RBM20: variants seen among roughly 807,000 people sequenced by gnomAD.
The protein encoded by RBM20 is RNA binding motif protein 20.
A neutral mutation model predicts 110.1 loss-of-function variants in RBM20; 51 were observed. That is an observed-to-expected ratio of 0.46 (90% confidence interval 0.37 to 0.59). The LOEUF is 0.59. RBM20 is among the 20% of genes least tolerant of loss of function. The pLI is 0.00. For missense variants in RBM20, 1,512 were observed against 1,574.9 expected (o/e 0.96, Z 0.68); for synonymous variants, 589 against 618.2 (o/e 0.95, Z 0.70).
chr10:110,760,382 A>G (rs1843980209), intron 1 of RBM20, among the ~76,000 whole-genome samples: 2 of 145,978 alleles, frequency 1.4e-5, no homozygotes, highest in South Asian at 2.2e-4. Context: ...GGAAGACACT[A>G]TAAGCTACAT....
chr10:110,706,605 G>A (rs189017152), intron 1 of RBM20, among the ~76,000 whole-genome samples: 1 of 152,336 alleles, frequency 6.6e-6, no homozygotes, highest in Non-Finnish European at 1.5e-5. Context: ...TTGGATGGGA[G>A]AGCTATTCTG....
At chr10:110,783,485 A>C in intron 3 of RBM20, 58 bp downstream of exon 3, 1 of 1,320,098 alleles carries the variant, frequency 7.6e-7, no homozygotes, top group East Asian at 2.5e-5. Context: ...TTCACTGAGC[A>C]TTTACTGTGT....
chr10:110,688,033 GTGTA>G (rs1301957678), intron 1 of RBM20, among the ~76,000 whole-genome samples: 3 of 134,146 alleles, frequency 2.2e-5, no homozygotes, highest in Non-Finnish European at 3.2e-5. Flanking sequence ...GTGTGTGTGT[GTGTA>G]TGTGTGTGTA....
At chr10:110,826,125 C>A (rs535359921) in intron 12 of RBM20, among the ~76,000 whole-genome samples, 1 of 152,292 alleles carries the variant, frequency 6.6e-6, no homozygotes, top group South Asian at 2.1e-4. Context: ...AAGATGGTAT[C>A]AGTTTTCCCT....
At chr10:110,697,156 A>T (rs1225158172) in intron 1 of RBM20, among the ~76,000 whole-genome samples, 1 of 152,070 alleles carries the variant, frequency 6.6e-6, no homozygotes, top group Non-Finnish European at 1.5e-5. Flanking sequence ...CATTGCTCAG[A>T]TTTAAAAGTT....
chr10:110,705,572 G>A (rs1402281384), intron 1 of RBM20, among the ~76,000 whole-genome samples: 2 of 152,222 alleles, frequency 1.3e-5, no homozygotes, highest in Non-Finnish European at 2.9e-5. Flanking sequence ...GTGTGTAGGT[G>A]AGTCTGGATT....
At chr10:110,700,478 G>A (rs1862741311) in intron 1 of RBM20, among the ~76,000 whole-genome samples, 1 of 152,190 alleles carries the variant, frequency 6.6e-6, no homozygotes, top group African/African-American at 2.4e-5. Context: ...CCCAACAGTG[G>A]CTTAAACCAG....
In RBM20 at chr10:110,711,357, AG is replaced by A. The variant is rs1590630674; in HGVS notation, c.191+66713del. ...AAAAAAAAAAAAAAAAAAAAAAAAA[AG>A]AGTCCAGGAGAGGGGAGGTGTGGGA... On this transcript the variant is annotated intron_variant, in intron 1 of 13. Coordinates refer to ENST00000369519, the MANE Select transcript of RBM20 (RefSeq NM_001134363.3). Among the ~76,000 whole-genome samples the A allele has an allele frequency of 2.0e-5, 3 of 148,664 alleles. No homozygotes were observed. The East Asian group carries it at 5.9e-4, about 29-fold the overall frequency.
intron 1 of RBM20, among the ~76,000 whole-genome samples, chr10:110,763,353 A>G (rs4244282): frequency 0.45 from 68,838 of 151,580 alleles, 15,788 homozygotes; most frequent in East Asian, 0.51. Context: ...AGTAAGCCTC[A>G]ATCACTAAGT....
rs1278949370 is a variant in RBM20 at position 110,739,166 on chromosome 10, C to T, written c.192-41635C>T. 6.6e-6 allele frequency among the ~76,000 whole-genome samples: 1 copy of T among 152,160 alleles called. No individual in the cohort carries two copies. The highest frequency in any genetic ancestry group is 1.5e-5 in the Non-Finnish European group (1 of 68,036). On this transcript the variant is annotated intron_variant, in intron 1 of 13. Coordinates refer to ENST00000369519, the MANE Select transcript of RBM20 (RefSeq NM_001134363.3). The surrounding 1 kb of genome is among the most constrained non-coding windows in gnomAD (Gnocchi z 4.1). ...GACAGGTCCTCCTGAGGACCAAGGC[C>T]TGCATAGTCTGATTTATGCTATATG...
Position 110,838,896 on chromosome 10 carries a change from G to A in RBM20, c.*2918G>A, listed in dbSNP as rs919695876. On this transcript the variant is annotated 3_prime_UTR_variant, in exon 14 of 14. Transcript: ENST00000369519. ...AATTCCATTGGCATGGTCCTTCACC[G>A]ACCCTATGATTTGCACTTTTTATTT... The A allele has an allele frequency of 2.6e-5, 4 of 152,014 alleles. No individual in the cohort carries two copies. The highest frequency in any genetic ancestry group is 9.7e-5 in the African/African-American group (4 of 41,386). The allele number at this position is 152,014 out of a possible 1,614,324, so 9.4% of individuals were successfully genotyped here. A position where few individuals can be genotyped will look rare whatever the true frequency, so the allele number is the denominator to read the frequency against.
At chr10:110,761,917 G>A (rs1844009834) in intron 1 of RBM20, among the ~76,000 whole-genome samples, 2 of 152,198 alleles carry the variant, frequency 1.3e-5, no homozygotes, top group African/African-American at 4.8e-5. Context: ...TAAAAGGAAG[G>A]ATTAACTGAC....
intron 1 of RBM20, among the ~76,000 whole-genome samples, chr10:110,726,009 A>G (rs534200684): frequency 6.7e-6 from 1 of 149,642 alleles, no homozygotes; most frequent in East Asian, 2.0e-4. Flanking sequence ...TTGGGGGCAG[A>G]TGTGCTGCTG....
chr10:110,701,436 G>A (rs1446945701), intron 1 of RBM20, among the ~76,000 whole-genome samples: 1 of 152,062 alleles, frequency 6.6e-6, no homozygotes, highest in Non-Finnish European at 1.5e-5. Context: ...CCTGGACCAC[G>A]GGGAACATGC....
intron 1 of RBM20, among the ~76,000 whole-genome samples, chr10:110,720,927 A>G (rs1843497664): frequency 6.6e-6 from 1 of 151,926 alleles, no homozygotes; most frequent in South Asian, 2.1e-4. Flanking sequence ...GTTTCCTCTC[A>G]CTTCATTTCC....
intron 1 of RBM20, among the ~76,000 whole-genome samples, chr10:110,741,079 G>A (rs911251330): frequency 3.3e-5 from 5 of 152,138 alleles, no homozygotes; most frequent in Non-Finnish European, 7.4e-5. Context: ...TGGTCAGGCT[G>A]AGCTTCTCTC....
At position 110,681,516 on chromosome 10, in the gene RBM20, A is replaced by G. The variant is rs371115442; in HGVS notation, c.191+36871A>G. Among the ~76,000 whole-genome samples the G allele has an allele frequency of 5.4e-4, 83 of 152,320 alleles. 3 individuals are homozygous for G. In the South Asian group the frequency reaches 0.016, roughly 29 times the overall value. ...GGCTTGAAGTGTCAGTGACCTTGGA[A>G]TTATTTTTGCAGTTGCTTTTAAGCC... On this transcript the variant is annotated intron_variant, in intron 1 of 13. Transcript: ENST00000369519.
rs951063699 is a variant in RBM20, at chr10:110,739,738, C to T, written c.192-41063C>T. Among the ~76,000 whole-genome samples the T allele has an allele frequency of 2.6e-5, 4 of 152,156 alleles. No homozygotes were observed. The highest frequency in any genetic ancestry group is 1.9e-4 in the East Asian group (1 of 5,200). On this transcript the variant is annotated intron_variant, in intron 1 of 13. Transcript: ENST00000369519. The surrounding 1 kb of genome is among the most constrained non-coding windows in gnomAD (Gnocchi z 4.1). Reference sequence around the variant, plus strand: ...ATCTTCTAAATGGGTATTAATAGTTCCCACCTGCAGGACTGAACTGTGGAA... The same window carrying T: ...ATCTTCTAAATGGGTATTAATAGTTTCCACCTGCAGGACTGAACTGTGGAA...
At chr10:110,762,062 A>C (rs1844012041) in intron 1 of RBM20, among the ~76,000 whole-genome samples, 1 of 152,238 alleles carries the variant, frequency 6.6e-6, no homozygotes, top group South Asian at 2.1e-4. Flanking sequence ...CACCTTGTGT[A>C]CTGGGAGGTG....
Sources: allele counts gnomAD v4.1 joint callset (sites outside exome capture counted in the v4.1 genomes callset), GRCh38; gene constraint gnomAD v4.1.1; non-coding constraint Gnocchi (gnomAD v3.1); transcripts MANE v1.5; gene names NCBI Gene and HGNC (gene_info 2026-07-23, HGNC 2026-07-21).